Variants in TMTC4 observed in about 807,000 individuals in gnomAD.
The protein encoded by TMTC4 is protein O-mannosyl-transferase TMTC4.
In TMTC4, 65 loss-of-function variants were observed where a neutral mutation model predicts 86.0. That is an observed-to-expected ratio of 0.76 (90% CI 0.62 to 0.93). TMTC4 has a LOEUF of 0.93. Among genes scored for constraint, TMTC4 ranks in the 40% least tolerant of loss-of-function variants. The probability of loss-of-function intolerance (pLI) is 0.00; values close to 1 mark genes in which losing one functional copy is unlikely to be tolerated. For missense variants in TMTC4, 866 were observed against 948.1 expected (o/e 0.91, Z 1.14); for synonymous variants, 379 against 382.5 (o/e 0.99, Z 0.11).
chr13:100,617,352 G>C (rs1281982253), intron 15 of TMTC4, among the ~76,000 whole-genome samples: 1 of 152,136 alleles, frequency 6.6e-6, no homozygotes, highest in Non-Finnish European at 1.5e-5. Context: ...GCCCAGGCTG[G>C]CTTCAAACTC....
chr13:100,637,516 G>C (rs2138881854), intron 9 of TMTC4, 22 bp downstream of exon 9: 1 of 1,597,042 alleles, frequency 6.3e-7, no homozygotes, highest in Non-Finnish European at 8.6e-7. Context: ...AGAGTCCAGG[G>C]GGCGGCAGGC....
intron 12 of TMTC4, among the ~76,000 whole-genome samples, chr13:100,627,700 A>G (rs1346655149): frequency 1.3e-5 from 2 of 152,184 alleles, no homozygotes; most frequent in African/African-American, 2.4e-5. Flanking sequence ...AAGGTTATAC[A>G]TTATACTTCT....
Position 100,612,489 on chromosome 13 carries a change from G to T in TMTC4, c.1973C>A (p.Ala658Glu), listed in dbSNP as rs746718923. The change falls in exon 17 of 19, where the codon GCA becomes GAA. Residue 658 changes from alanine (A) to glutamate (E), a missense_variant. Transcript: ENST00000342624. Reference protein sequence around the residue: ...DNTGNLAQAEAVGREALELIP... With the variant: ...DNTGNLAQAEEVGREALELIP... ...TAATTCCAGTGCCTCTCTTCCAACT[G>T]CTTCAGCTTGGGCTAAATTACCTGG... 2.5e-6 allele frequency: 4 copies of T among 1,610,528 alleles called. No homozygotes were observed. The East Asian group carries it at 8.9e-5, about 36-fold the overall frequency.
intron 16 of TMTC4, 58 bp downstream of exon 16, chr13:100,614,258 C>T (rs537640772): frequency 1.0e-4 from 129 of 1,268,010 alleles, no homozygotes; most frequent in Non-Finnish European, 1.4e-4. Context: ...CCTAAGTCTT[C>T]GGTGGCATTT....
At chr13:100,629,384 C>T (rs147862298) in intron 12 of TMTC4, among the ~76,000 whole-genome samples, 1 of 152,008 alleles carries the variant, frequency 6.6e-6, no homozygotes, top group Non-Finnish European at 1.5e-5. Flanking sequence ...AGCGGTGTTG[C>T]GTGCTGTGTG....
intron 1 of TMTC4, among the ~76,000 whole-genome samples, chr13:100,671,188 G>A (rs1395037556): frequency 6.6e-6 from 1 of 152,136 alleles, no homozygotes; most frequent in Non-Finnish European, 1.5e-5. Flanking sequence ...TTTTGGAGAT[G>A]GCGTCTTGCT....
intron 15 of TMTC4, among the ~76,000 whole-genome samples, chr13:100,617,295 C>T (rs1168789917): frequency 6.6e-6 from 1 of 152,092 alleles, no homozygotes; most frequent in Admixed American, 6.6e-5. Context: ...CCACGATGCC[C>T]AGCTAATTTT....
intron 6 of TMTC4, among the ~76,000 whole-genome samples, chr13:100,648,501 G>A (rs912451300): frequency 6.6e-6 from 1 of 152,010 alleles, no homozygotes; most frequent in Admixed American, 6.5e-5. Context: ...GTGGTATTTC[G>A]ATTGCATGGC....
At position 100,626,117 on chromosome 13, in the gene TMTC4, T is replaced by C. The variant is rs778540895; in HGVS notation, c.1540A>G (p.Lys514Glu). The C allele has an allele frequency of 3.7e-6, 6 of 1,614,104 alleles. No homozygotes were observed. In the African/African-American group the frequency reaches 8.0e-5, roughly 22 times the overall value. Residue 514 changes from lysine (K) to glutamate (E), a missense_variant, in exon 13 of 19, where the codon AAA becomes GAA. Coordinates refer to ENST00000342624, the MANE Select transcript of TMTC4 (RefSeq NM_032813.5). ...HYNIGKNLAD[K>E]GNQTAAIRYY... is the part of the protein sequence containing the mutation. ...CTGATGGCAGCTGTCTGGTTGCCTT[T>C]ATCAGCCAGGTTTTTGCCAATGTTG...
intron 4 of TMTC4, 78 bp from the exon 5 acceptor site, chr13:100,663,258 T>C: frequency 7.8e-7 from 1 of 1,282,166 alleles, no homozygotes. Flanking sequence ...AGGAGAAGGC[T>C]TGTGTGTGGA....
chr13:100,614,849 T>A, intron 15 of TMTC4: 7 of 890,776 alleles, frequency 7.9e-6, no homozygotes, highest in Non-Finnish European at 9.4e-6. Context: ...AAAGACTTCA[T>A]AAGTTCATTG....
chr13:100,672,806 C>G (rs561484296), intron 1 of TMTC4, among the ~76,000 whole-genome samples: 62 of 152,278 alleles, frequency 4.1e-4, no homozygotes, highest in Middle Eastern at 3.4e-3. Context: ...CCATTTTTTA[C>G]AGTCAGGACA....
At position 100,660,185 on chromosome 13, in the gene TMTC4, A is replaced by G. The variant is rs1347807334; in HGVS notation, c.552+2779T>C. Among the ~76,000 whole-genome samples, 3 of 151,402 alleles carry G rather than the reference A, an allele frequency of 2.0e-5. No individual in the cohort carries two copies. The South Asian group carries it at 6.3e-4, about 32-fold the overall frequency. On this transcript the variant is annotated intron_variant, in intron 5 of 18. Transcript: ENST00000342624. ...ATCTCTACTAAAAATACAAAAATTA[A>G]CCGGATGTGGTGGTGCACGCCTGTA...
chr13:100,625,303 T>C, intron 15 of TMTC4: 1 of 565,150 alleles, frequency 1.8e-6, no homozygotes, highest in Non-Finnish European at 3.1e-6. Context: ...GGGTTTAACC[T>C]TTTGCGTGGG....
At chr13:100,674,630 G>A (rs1337526263) in intron 1 of TMTC4, 114 bp downstream of exon 1, 8 of 982,558 alleles carry the variant, frequency 8.1e-6, no homozygotes, top group Non-Finnish European at 9.7e-6. Flanking sequence ...TCTGGCCCGG[G>A]CCGCCGTGCG....
At chr13:100,629,387 G>A (rs952846269) in intron 12 of TMTC4, among the ~76,000 whole-genome samples, 1 of 152,140 alleles carries the variant, frequency 6.6e-6, no homozygotes, top group Non-Finnish European at 1.5e-5. Flanking sequence ...GGTGTTGCGT[G>A]CTGTGTGATC....
At chr13:100,647,905 C>A (rs762341306) in intron 6 of TMTC4, among the ~76,000 whole-genome samples, 2 of 152,176 alleles carry the variant, frequency 1.3e-5, no homozygotes, top group Non-Finnish European at 2.9e-5. Context: ...GGTTTACTGA[C>A]AACCTTCTCC....
Position 100,670,364 on chromosome 13 carries a change from C to A in TMTC4, c.-2G>T, listed in dbSNP as rs776281989. 6.2e-7 allele frequency: 1 copy of A among 1,609,608 alleles called. No individual in the cohort carries two copies. Among genetic ancestry groups the A allele is most frequent in the Non-Finnish European group, 8.5e-7 (1 of 1,178,302 alleles). On this transcript the variant is annotated 5_prime_UTR_variant, in exon 2 of 19. Coordinates refer to ENST00000342624, the MANE Select transcript of TMTC4 (RefSeq NM_032813.5). ...CCAACAGGCAACGGGACACACCATT[C>A]CATGGTGATGCTGTCCCCTTCCAGG...
In TMTC4 at chr13:100,604,751, T is replaced by C. The variant is rs1192319688; in HGVS notation, c.*243A>G. ...TTTTTCTGTTTAATTAAAAAAGACATTTTTGGAATTTTAGAATTACATTTG... is the reference window on the plus strand; with the variant it reads ...TTTTTCTGTTTAATTAAAAAAGACACTTTTGGAATTTTAGAATTACATTTG... On this transcript the variant is annotated 3_prime_UTR_variant, in exon 19 of 19. Coordinates refer to ENST00000342624, the MANE Select transcript of TMTC4 (RefSeq NM_032813.5). 2 of 364,702 alleles carry C rather than the reference T, an allele frequency of 5.5e-6. No individual in the cohort carries two copies. Among genetic ancestry groups the C allele is most frequent in the African/African-American group, 2.1e-5 (1 of 47,220 alleles). 22.6% of individuals were successfully genotyped at this position (364,702 alleles called of 1,614,324 possible).
Sources: allele counts gnomAD v4.1 joint callset (sites outside exome capture counted in the v4.1 genomes callset), GRCh38; gene constraint gnomAD v4.1.1; transcripts MANE v1.5; gene names NCBI Gene and HGNC (gene_info 2026-07-23, HGNC 2026-07-21).